MAGEB6B: variants seen among roughly 807,000 people sequenced by gnomAD.
MAGEB6B encodes the protein MAGE family member B6B, also known as melanoma-associated antigen B6B.
For missense variants in MAGEB6B, 277 were observed against 251.5 expected (o/e 1.10, Z -0.69); for synonymous variants, 107 against 102.3 (o/e 1.05, Z -0.27).
exon 1 of MAGEB6B, chrX:26,160,712 T>G: frequency 1.7e-6 from 1 of 572,133 alleles, no homozygotes; most frequent in East Asian, 3.3e-5. Context: ...ACAAGAAGAG[T>G]CTCGCTCTTC....
downstream of MAGEB6B, chrX:26,161,855 G>T (rs1214662190): frequency 8.6e-7 from 1 of 1,163,966 alleles, no homozygotes; most frequent in Admixed American, 2.2e-5. Context: ...CTTGGCCAGG[G>T]CACCTTATGG....
At chrX:26,160,973 G>A (rs1395511883) in exon 1 of MAGEB6B, 1 of 687,242 alleles carries the variant, frequency 1.5e-6, no homozygotes, top group Admixed American at 2.2e-5. Flanking sequence ...CTCAAAATCT[G>A]ATGAGGCTGC....
chrX:26,161,779 C>T (rs768800298), exon 1 of MAGEB6B: 6 of 1,210,527 alleles, frequency 5.0e-6, no homozygotes, highest in East Asian at 5.9e-5. Flanking sequence ...TGTATGAAGA[C>T]GCTTTGACAG....
exon 1 of MAGEB6B, chrX:26,161,421 G>A (rs1248193622): frequency 1.0e-6 from 1 of 955,732 alleles, no homozygotes; most frequent in Non-Finnish European, 1.5e-6. Flanking sequence ...TCCAATGAAG[G>A]AAGTCTGAGT....
exon 1 of MAGEB6B, chrX:26,161,003 A>T (rs751404306): frequency 1.8e-5 from 15 of 819,122 alleles, no homozygotes; most frequent in Non-Finnish European, 2.8e-5. Context: ...AAATGAGAAA[A>T]GTCCAAGCAC....
chrX:26,161,736 T>G (rs1280399253), exon 1 of MAGEB6B: 1 of 1,210,323 alleles, frequency 8.3e-7, no homozygotes. Context: ...TTGGCCGAGA[T>G]CAATAACACC....
At chrX:26,161,476 G>C (rs1602229679) in exon 1 of MAGEB6B, 14 of 1,184,515 alleles carry the variant, frequency 1.2e-5, no homozygotes, top group South Asian at 1.8e-5. Context: ...TGTCGATCCT[G>C]GGTTTGATCT....
downstream of MAGEB6B, among the ~76,000 whole-genome samples, chrX:26,162,349 T>C (rs1928702684): frequency 8.9e-6 from 1 of 112,150 alleles, no homozygotes; most frequent in Non-Finnish European, 1.9e-5. Context: ...TAATTCTTGG[T>C]TTGCCTAATT....
downstream of MAGEB6B, chrX:26,161,842 T>G (rs751249267): frequency 8.4e-7 from 1 of 1,191,116 alleles, no homozygotes; most frequent in Non-Finnish European, 1.1e-6. Flanking sequence ...CTGGCACTGT[T>G]CCCTTGGCCA....
chrX:26,161,856 C>T (rs759078839), downstream of MAGEB6B: 124 of 1,162,119 alleles, frequency 1.1e-4, no homozygotes, highest in African/African-American at 1.8e-3. Flanking sequence ...TTGGCCAGGG[C>T]ACCTTATGGG....
chrX:26,162,127 C>T, downstream of MAGEB6B, among the ~76,000 whole-genome samples: 1 of 112,109 alleles, frequency 8.9e-6, no homozygotes, highest in Admixed American at 9.5e-5. Context: ...ATAGCTCTCA[C>T]ATTCATGGCC....
At chrX:26,161,275 C>A (rs372525698) in exon 1 of MAGEB6B, 16 of 655,673 alleles carry the variant, frequency 2.4e-5, no homozygotes, top group Non-Finnish European at 4.1e-5. Flanking sequence ...TGAAGCGTCT[C>A]CGCAGACAGT....
exon 1 of MAGEB6B, chrX:26,161,454 C>T (rs1928689628): frequency 1.8e-6 from 2 of 1,124,872 alleles, no homozygotes; most frequent in Non-Finnish European, 2.5e-6. Flanking sequence ...CTGCCGAAGT[C>T]GGGTCTCCTG....
chrX:26,162,209 T>C (rs1303018291), downstream of MAGEB6B, among the ~76,000 whole-genome samples: 1 of 112,122 alleles, frequency 8.9e-6, no homozygotes, highest in Non-Finnish European at 1.9e-5. Flanking sequence ...ATTTTCTTTA[T>C]AATTCAGAAC....
chrX:26,161,852 A>G, downstream of MAGEB6B: 1 of 1,174,675 alleles, frequency 8.5e-7, no homozygotes, highest in Non-Finnish European at 1.2e-6. Flanking sequence ...TCCCTTGGCC[A>G]GGGCACCTTA....
At chrX:26,161,894 T>C, downstream of MAGEB6B, 1 of 1,042,313 alleles carries the variant, frequency 9.6e-7, no homozygotes, top group African/African-American at 1.9e-5. Context: ...CTCCCATTTC[T>C]AGGGAGGTCT....
At chrX:26,161,033 C>G (rs1569250183) in exon 1 of MAGEB6B, 2 of 1,012,552 alleles carry the variant, frequency 2.0e-6, no homozygotes, top group Non-Finnish European at 2.8e-6. Context: ...TGCCTCTGTT[C>G]CTCAGGAGTC....
rs777260835 is a variant in MAGEB6B at position 26,161,203 on chromosome X, G to A, written c.603G>A (p.Lys201=). 13 of 754,188 alleles carry A rather than the reference G, an allele frequency of 1.7e-5. 1 individual carries two copies. In the East Asian group the frequency reaches 3.2e-4, roughly 18 times the overall value. The allele number at this position is 754,188 out of a possible 1,213,427, so 62.2% of individuals were successfully genotyped here. The change falls in exon 1 of 1, where the codon AAG becomes AAA. Residue 201 remains lysine, a synonymous_variant. Transcript: ENST00000416929. The stretch of plus-strand genomic sequence containing the variant: ...ATCCTATAAAAAGGAAGGCAAACAA[G>A]ATGGTGCAATTCCTGCAGAAGAAGT...
exon 1 of MAGEB6B, chrX:26,161,099 G>T (rs1327987143): frequency 2.7e-6 from 3 of 1,094,135 alleles, no homozygotes; most frequent in Non-Finnish European, 2.5e-6. Context: ...CTCAAAATCT[G>T]ATGTGGCTGC....
Sources: allele counts gnomAD v4.1 joint callset (sites outside exome capture counted in the v4.1 genomes callset), GRCh38; gene constraint gnomAD v4.1.1; transcripts MANE v1.5; gene names NCBI Gene and HGNC (gene_info 2026-07-23, HGNC 2026-07-21).